Variants in PLS1 observed in about 807,000 individuals in gnomAD.
The protein encoded by PLS1 is plastin-1.
Under a neutral mutation model 73.7 loss-of-function variants are expected in PLS1, and 32 were observed. The observed-to-expected ratio is 0.43, with a 90% CI of 0.33 to 0.58. The LOEUF (loss-of-function observed/expected upper bound fraction) is 0.58, where lower values mean the gene tolerates loss of function less well. PLS1 is among the 20% of genes least tolerant of loss of function. PLS1 has a pLI of 0.04. For missense variants in PLS1, 633 were observed against 740.5 expected, an observed-to-expected ratio of 0.85 and a Z score of 1.68; for synonymous variants, 217 against 261.3, an observed-to-expected ratio of 0.83 and a Z score of 1.63.
chr3:142,711,351 T>C (rs1933116159), intron 14 of PLS1, 150 bp from the exon 15 acceptor site: 2 of 505,436 alleles, frequency 4.0e-6, no homozygotes, highest in Non-Finnish European at 7.3e-6. Flanking sequence ...AAAGGGTTTA[T>C]TTATGTGTGC....
At chr3:142,600,898 ATATATATATATATATATATT>A (rs1244884174) in intron 1 of PLS1, among the ~76,000 whole-genome samples, 6 of 27,880 alleles carry the variant, frequency 2.2e-4, no homozygotes, top group Admixed American at 4.6e-4. Flanking sequence ...ATATATATAT[ATATATATATATATATATATT>A]TTTTTTTTTT....
intron 1 of PLS1, among the ~76,000 whole-genome samples, chr3:142,616,898 G>A (rs1420676701): frequency 1.3e-5 from 2 of 152,124 alleles, no homozygotes; most frequent in Non-Finnish European, 2.9e-5. Context: ...CACCGCACCC[G>A]GCCAGTGACA....
rs1332166006 is a variant in PLS1, at chr3:142,712,644, A to C, written c.*637A>C. ...TTAATTTTAACTACATTGATACTTT[A>C]CACATCCTAGTTTGGTAACACAGCT... On this transcript the variant is annotated 3_prime_UTR_variant, in exon 16 of 16. Transcript: ENST00000457734. 1 of 152,418 alleles carries C rather than the reference A, an allele frequency of 6.6e-6. No individual in the cohort carries two copies. Among genetic ancestry groups the C allele is most frequent in the East Asian group, 1.9e-4 (1 of 5,200 alleles). The allele number at this position is 152,418 out of a possible 1,614,324, so 9.4% of individuals were successfully genotyped here.
intron 1 of PLS1, among the ~76,000 whole-genome samples, chr3:142,600,150 T>A: frequency 6.6e-6 from 1 of 151,972 alleles, no homozygotes; most frequent in Non-Finnish European, 1.5e-5. Flanking sequence ...TGGTGGTCGA[T>A]GAGAGAATGT....
intron 1 of PLS1, among the ~76,000 whole-genome samples, chr3:142,609,710 G>A (rs993937954): frequency 3.3e-5 from 5 of 152,146 alleles, no homozygotes; most frequent in Admixed American, 1.3e-4. Flanking sequence ...GAATTTTGCC[G>A]TAAACTATTA....
intron 1 of PLS1, among the ~76,000 whole-genome samples, chr3:142,650,569 T>G (rs2037065407): frequency 6.6e-6 from 1 of 152,158 alleles, no homozygotes; most frequent in South Asian, 2.1e-4. Flanking sequence ...TTATGCCTAT[T>G]CATAAAGCAA....
intron 6 of PLS1, among the ~76,000 whole-genome samples, chr3:142,679,117 GTTGT>G (rs1246400159): frequency 2.6e-5 from 4 of 151,450 alleles, no homozygotes; most frequent in East Asian, 3.9e-4. Flanking sequence ...TTTTGATGGG[GTTGT>G]TTGTTTTTTT....
At chr3:142,642,167 G>A (rs2108615632) in intron 1 of PLS1, among the ~76,000 whole-genome samples, 1 of 152,110 alleles carries the variant, frequency 6.6e-6, no homozygotes, top group Non-Finnish European at 1.5e-5. Context: ...TTGCACAGGT[G>A]TATACTTTAA....
intron 1 of PLS1, among the ~76,000 whole-genome samples, chr3:142,655,605 C>T (rs2037210522): frequency 6.6e-6 from 1 of 151,506 alleles, no homozygotes; most frequent in Non-Finnish European, 1.5e-5. Flanking sequence ...GCCTGCAATC[C>T]CAGCTACCAG....
rs1057319624 is a variant in PLS1, at chr3:142,695,416, C to G, written c.1256+869C>G. ...AGTGTTACCTTATTATGGTAACTGG[C>G]TTTGATGTGATAGACCCATATTTGT... On this transcript the variant is annotated intron_variant, in intron 11 of 15. Transcript: ENST00000457734. Among the ~76,000 whole-genome samples the G allele has an allele frequency of 1.8e-4, 27 of 152,154 alleles. 1 individual carries two copies. The highest frequency in any genetic ancestry group is 5.9e-5 in the Non-Finnish European group (4 of 68,028).
At chr3:142,687,281 T>TTGGGCCACATTCAAAGCTGTCC (rs1269541098) in intron 9 of PLS1, among the ~76,000 whole-genome samples, 1 of 151,764 alleles carries the variant, frequency 6.6e-6, no homozygotes, top group African/African-American at 2.4e-5. Context: ...CAAATTTGTG[T>TTGGGCCACATTCAAAGCTGTCC]TGGGCCACAT....
chr3:142,631,059 A>G (rs2036548987), intron 1 of PLS1, among the ~76,000 whole-genome samples: 1 of 152,004 alleles, frequency 6.6e-6, no homozygotes, highest in Non-Finnish European at 1.5e-5. Context: ...ATGGTGTTGG[A>G]AAATTGGATA....
At chr3:142,630,938 A>AAAACACACAC (rs2036543950) in intron 1 of PLS1, among the ~76,000 whole-genome samples, 1 of 137,364 alleles carries the variant, frequency 7.3e-6, no homozygotes, top group Non-Finnish European at 1.5e-5. Context: ...CATGTAAATA[A>AAAACACACAC]ACACACACAC....
chr3:142,632,292 C>T (rs1303877022), intron 1 of PLS1, among the ~76,000 whole-genome samples: 5 of 152,146 alleles, frequency 3.3e-5, no homozygotes, highest in Non-Finnish European at 5.9e-5. Context: ...TATGCACTTT[C>T]ATCATCAGGA....
Position 142,664,242 on chromosome 3 carries a change from A to G in PLS1, c.5A>G (p.Glu2Gly). ...GATAGTCTTTTCTGTCCAAAGATGG[A>G]AAACAGTACTACTACCATTTCTCGG... M[E>G]NSTTTISREE... Residue 2 changes from glutamate (E) to glycine (G), a missense_variant, in exon 2 of 16, where the codon GAA becomes GGA. Transcript: ENST00000457734. 6 of 1,565,802 alleles carry G rather than the reference A, an allele frequency of 3.8e-6. No homozygotes were observed. Among genetic ancestry groups the G allele is most frequent in the Non-Finnish European group, 5.2e-6 (6 of 1,144,222 alleles).
chr3:142,605,464 G>A lies in PLS1; in HGVS notation c.-37+8955G>A, dbSNP rs191677148. Among the ~76,000 whole-genome samples, 250 of 152,250 alleles carry A rather than the reference G, an allele frequency of 1.6e-3. 1 individual carries two copies. Among genetic ancestry groups the A allele is most frequent in the Non-Finnish European group, 3.1e-3 (213 of 68,014 alleles). ...GGCTCACTGCAACCTTTCGCCTCCC[G>A]GGTTCAAGTGATTCTCCTGCTTCAT... On this transcript the variant is annotated intron_variant, in intron 1 of 15. Transcript: ENST00000457734.
intron 1 of PLS1, among the ~76,000 whole-genome samples, chr3:142,598,710 C>T (rs772581328): frequency 6.6e-6 from 1 of 152,110 alleles, no homozygotes; most frequent in Admixed American, 6.6e-5. Context: ...AAAAGTACCT[C>T]CAATTGGCTG....
chr3:142,683,854 T>TG, intron 6 of PLS1, 152 bp from the exon 7 acceptor site: 1 of 588,838 alleles, frequency 1.7e-6, no homozygotes, highest in South Asian at 2.6e-5. Context: ...TAAAACCATG[T>TG]GTTTTTTTTT....
chr3:142,613,987 G>T (rs538442680), intron 1 of PLS1, among the ~76,000 whole-genome samples: 2 of 152,274 alleles, frequency 1.3e-5, no homozygotes, highest in South Asian at 4.1e-4. Context: ...TGGAATTGCT[G>T]TCCTGTAACA....
Sources: allele counts gnomAD v4.1 joint callset (sites outside exome capture counted in the v4.1 genomes callset), GRCh38; gene constraint gnomAD v4.1.1; transcripts MANE v1.5; gene names NCBI Gene and HGNC (gene_info 2026-07-23, HGNC 2026-07-21).